Variants in PDE1C observed in about 807,000 individuals in gnomAD.
The protein encoded by PDE1C is phosphodiesterase 1C.
In PDE1C, 62 loss-of-function variants were observed where a neutral mutation model predicts 93.1. The observed-to-expected ratio is 0.67, with a 90% confidence interval of 0.54 to 0.82. The LOEUF is 0.82. PDE1C is among the 40% of genes least tolerant of loss of function. The probability of loss-of-function intolerance (pLI) is 0.00; values close to 1 mark genes in which losing one functional copy is unlikely to be tolerated. For missense variants in PDE1C, 742 were observed against 884.6 expected, an observed-to-expected ratio of 0.84 and a Z score of 2.04; for synonymous variants, 325 against 310.1, an observed-to-expected ratio of 1.05 and a Z score of -0.50.
chr7:31,901,316 C>A (rs962103235), intron 2 of PDE1C, among the ~76,000 whole-genome samples: 9 of 151,268 alleles, frequency 5.9e-5, no homozygotes, highest in Admixed American at 1.3e-4. Context: ...CAAACAGATA[C>A]ACAAAAATAA....
intron 2 of PDE1C, among the ~76,000 whole-genome samples, chr7:32,036,030 T>C (rs975214543): frequency 2.6e-5 from 4 of 152,176 alleles, no homozygotes; most frequent in African/African-American, 9.6e-5. Context: ...TCAGCCAACA[T>C]AGCAGTGGAA....
At chr7:32,025,105 G>A (rs779675865) in intron 2 of PDE1C, among the ~76,000 whole-genome samples, 1 of 151,994 alleles carries the variant, frequency 6.6e-6, no homozygotes, top group African/African-American at 2.4e-5. Context: ...CGACCCCCAG[G>A]GTCAAAGCAC....
the PDE1C span, among the ~76,000 whole-genome samples, chr7:31,668,555 T>G: frequency 6.6e-6 from 1 of 152,128 alleles, no homozygotes; most frequent in East Asian, 1.9e-4. Flanking sequence ...ATAAACATAC[T>G]GAGTAAACGA....
chr7:32,092,722 C>A (rs936396327), intron 3 of PDE1C, among the ~76,000 whole-genome samples: 15 of 152,200 alleles, frequency 9.9e-5, no homozygotes, highest in Non-Finnish European at 4.4e-5. Flanking sequence ...TTTTAAAATA[C>A]TAAAATGGAA....
rs369151123 is a variant in PDE1C at position 32,206,019 on chromosome 7, T to C, written c.136+3470A>G. 3.9e-5 allele frequency among the ~76,000 whole-genome samples: 6 copies of C among 152,264 alleles called. No individual in the cohort carries two copies. The East Asian group carries it at 7.7e-4, about 20-fold the overall frequency. The stretch of plus-strand genomic sequence containing the variant: ...CAAGAACCCACCAGAAGAAACCGAT[T>C]CTAGACGCAGTACTGTTCTAGGATC... On this transcript the variant is annotated intron_variant, in intron 2 of 18. Transcript: ENST00000396193.
chr7:32,231,770 T>C (rs184789074), intron 1 of PDE1C, among the ~76,000 whole-genome samples: 1 of 152,350 alleles, frequency 6.6e-6, no homozygotes, highest in African/African-American at 2.4e-5. Context: ...TTCTTTATTA[T>C]ATGGCTTACA....
the PDE1C span, among the ~76,000 whole-genome samples, chr7:31,717,779 A>T: frequency 6.6e-6 from 1 of 152,116 alleles, no homozygotes; most frequent in Non-Finnish European, 1.5e-5. Flanking sequence ...AGGCCCTTAA[A>T]GGATCTAGGG....
intron 1 of PDE1C, among the ~76,000 whole-genome samples, chr7:32,363,951 T>C (rs999930467): frequency 2.0e-5 from 3 of 152,248 alleles, no homozygotes; most frequent in African/African-American, 4.8e-5. Flanking sequence ...ATTGACTACA[T>C]GCTGATATCA....
chr7:31,639,266 G>GT, the PDE1C span, among the ~76,000 whole-genome samples: 42 of 151,858 alleles, frequency 2.8e-4, no homozygotes, highest in African/African-American at 1.0e-3. Context: ...ATGCATTTTC[G>GT]TTTTAAAAAG....
intron 1 of PDE1C, among the ~76,000 whole-genome samples, chr7:32,404,024 T>C (rs1396376310): frequency 2.0e-5 from 3 of 152,284 alleles, no homozygotes; most frequent in Non-Finnish European, 1.5e-5. Flanking sequence ...TCCATCTACA[T>C]ACACATGTAC....
intron 3 of PDE1C, among the ~76,000 whole-genome samples, chr7:32,122,476 C>A (rs1325465212): frequency 6.6e-6 from 1 of 152,158 alleles, no homozygotes; most frequent in Non-Finnish European, 1.5e-5. Flanking sequence ...AAATAACACA[C>A]TCCTCAGCAA....
rs574577273 is a variant in PDE1C at position 31,891,907 on chromosome 7, T to C, written c.129-11047A>G. Among the ~76,000 whole-genome samples, 9 of 152,108 alleles carry C rather than the reference T, an allele frequency of 5.9e-5. No homozygotes were observed. In the South Asian group the frequency reaches 1.9e-3, roughly 32 times the overall value. On this transcript the variant is annotated intron_variant, in intron 2 of 17. Coordinates refer to ENST00000396191, the MANE Select transcript of PDE1C (RefSeq NM_001191057.4). ...ATTATGCTAATATCAGTATCTTGGGTTGTGAAATTGTCCTGTAGTTTTTCA... is the reference window on the plus strand; with the variant it reads ...ATTATGCTAATATCAGTATCTTGGGCTGTGAAATTGTCCTGTAGTTTTTCA...
intron 3 of PDE1C, among the ~76,000 whole-genome samples, chr7:32,152,117 C>T (rs1801296623): frequency 1.3e-5 from 2 of 152,188 alleles, no homozygotes; most frequent in South Asian, 4.1e-4. Context: ...TCTTGTACCC[C>T]ATCTCCTTGC....
chr7:32,081,046 G>T (rs1796636172), intron 3 of PDE1C, among the ~76,000 whole-genome samples: 1 of 152,216 alleles, frequency 6.6e-6, no homozygotes, highest in South Asian at 2.1e-4. Context: ...AACATGGAAA[G>T]CCAATCTTAG....
intron 7 of PDE1C, among the ~76,000 whole-genome samples, chr7:31,855,090 A>C (rs972463970): frequency 2.0e-5 from 3 of 150,146 alleles, no homozygotes; most frequent in Non-Finnish European, 4.4e-5. Context: ...AAAAAAAAAA[A>C]ACTTCCGTTT....
At chr7:32,169,256 C>T (rs1293777874) in intron 3 of PDE1C, among the ~76,000 whole-genome samples, 1 of 152,084 alleles carries the variant, frequency 6.6e-6, no homozygotes, top group African/African-American at 2.4e-5. Context: ...AAATAAGAGA[C>T]CTTGCAGGAA....
At chr7:32,132,548 C>G (rs995399024) in intron 3 of PDE1C, among the ~76,000 whole-genome samples, 1 of 152,046 alleles carries the variant, frequency 6.6e-6, no homozygotes, top group East Asian at 1.9e-4. Context: ...TGCCTATAGT[C>G]CCAGCTACTC....
intron 1 of PDE1C, among the ~76,000 whole-genome samples, chr7:32,309,425 G>A (rs1813109723): frequency 6.6e-6 from 1 of 152,128 alleles, no homozygotes; most frequent in Non-Finnish European, 1.5e-5. Flanking sequence ...CTCAAGAAGA[G>A]CAACTCCAAG....
chr7:32,018,816 A>G (rs1232256607), intron 2 of PDE1C, among the ~76,000 whole-genome samples: 4 of 152,174 alleles, frequency 2.6e-5, no homozygotes, highest in Non-Finnish European at 5.9e-5. Flanking sequence ...TGACTTTTAT[A>G]GTATTGAATT....
Sources: allele counts gnomAD v4.1 joint callset (sites outside exome capture counted in the v4.1 genomes callset), GRCh38; gene constraint gnomAD v4.1.1; transcripts MANE v1.5; gene names NCBI Gene and HGNC (gene_info 2026-07-23, HGNC 2026-07-21).